Variants in SWT1 observed in about 807,000 individuals in gnomAD.
SWT1 encodes the protein SWT1 RNA endoribonuclease homolog.
Under a neutral mutation model 107.3 loss-of-function variants are expected in SWT1, and 33 were observed. The ratio of observed to expected loss-of-function variants is 0.31; its 90% CI spans 0.23 to 0.41. The LOEUF (loss-of-function observed/expected upper bound fraction) is 0.41. Among genes scored for constraint, SWT1 ranks in the 10% least tolerant of loss-of-function variants. The pLI is 1.00. For missense variants in SWT1, 898 were observed against 1,028.9 expected (o/e 0.87, Z 1.74); for synonymous variants, 345 against 348.3 (o/e 0.99, Z 0.11).
At chr1:185,264,922 G>A (rs1380256676) in intron 16 of SWT1, among the ~76,000 whole-genome samples, 1 of 152,126 alleles carries the variant, frequency 6.6e-6, no homozygotes, top group African/African-American at 2.4e-5. Flanking sequence ...TAACAAACAT[G>A]TAAGACATAT....
intron 16 of SWT1, among the ~76,000 whole-genome samples, chr1:185,234,454 A>G (rs908277878): frequency 6.6e-6 from 1 of 151,056 alleles, no homozygotes; most frequent in African/African-American, 2.4e-5. Context: ...TTTTCTTTCT[A>G]TTTGCTTCGT....
intron 17 of SWT1, 78 bp downstream of exon 17, chr1:185,271,467 C>T (rs993117805): frequency 5.5e-6 from 4 of 733,854 alleles, no homozygotes; most frequent in Non-Finnish European, 9.4e-6. Context: ...AGTAGGAGTT[C>T]TCAAACATAG....
intron 1 of SWT1, among the ~76,000 whole-genome samples, chr1:185,158,517 T>C (rs1395360954): frequency 1.3e-5 from 2 of 152,026 alleles, no homozygotes; most frequent in Admixed American, 1.3e-4. Context: ...TTCTTTTTTT[T>C]TTTTTTACTG....
At chr1:185,226,803 G>C (rs1179381238) in intron 15 of SWT1, 4 of 1,377,372 alleles carry the variant, frequency 2.9e-6, no homozygotes. Context: ...AAATTGTTTG[G>C]TTTAGCTCTC....
intron 2 of SWT1, among the ~76,000 whole-genome samples, chr1:185,163,462 T>G (rs1654326315): frequency 6.6e-6 from 1 of 151,546 alleles, no homozygotes. Context: ...GGTGCGATCT[T>G]GGCCCACTGC....
intron 12 of SWT1, among the ~76,000 whole-genome samples, chr1:185,205,984 T>A (rs1349914574): frequency 6.6e-6 from 1 of 152,078 alleles, no homozygotes; most frequent in African/African-American, 2.4e-5. Context: ...TTCTTCTCTT[T>A]TTTTTTGAGA....
chr1:185,195,747 A>G (rs1025398810), intron 10 of SWT1, among the ~76,000 whole-genome samples: 1 of 152,254 alleles, frequency 6.6e-6, no homozygotes, highest in Non-Finnish European at 1.5e-5. Flanking sequence ...TCTAATGACC[A>G]GTAATGATGA....
intron 14 of SWT1, among the ~76,000 whole-genome samples, chr1:185,216,831 A>T (rs541525250): frequency 6.6e-6 from 1 of 152,230 alleles, no homozygotes; most frequent in Admixed American, 6.5e-5. Flanking sequence ...ACACACCTGT[A>T]GTCCCAGCTA....
In SWT1 at chr1:185,229,953, G is replaced by A. The variant is rs146281550; in HGVS notation, c.2310-1624G>A. On this transcript the variant is annotated intron_variant, in intron 15 of 18. Transcript: ENST00000367500. ...AAGAGGAGAATCCTGGGGAGTAACC[G>A]CTCAATGGATTCAGTTTCCTTTTTG... 8.5e-4 allele frequency among the ~76,000 whole-genome samples: 130 copies of A among 152,180 alleles called. 1 individual carries two copies. The highest frequency in any genetic ancestry group is 3.1e-3 in the African/African-American group (128 of 41,534).
chr1:185,264,425 T>G (rs1340123941), intron 16 of SWT1: 1 of 984,944 alleles, frequency 1.0e-6, no homozygotes, highest in Non-Finnish European at 1.2e-6. Context: ...TGAATGTTCA[T>G]TTGGTTCCTA....
At chr1:185,248,301 C>T (rs1046303179) in intron 16 of SWT1, among the ~76,000 whole-genome samples, 1 of 152,174 alleles carries the variant, frequency 6.6e-6, no homozygotes, top group Non-Finnish European at 1.5e-5. Flanking sequence ...TTAAACTCAA[C>T]TTACTTTCAA....
intron 15 of SWT1, chr1:185,227,537 C>A (rs888286157): frequency 5.7e-6 from 3 of 527,878 alleles, no homozygotes; most frequent in Non-Finnish European, 1.1e-5. Context: ...CTGTTTGTTA[C>A]ATGAACTGTC....
intron 10 of SWT1, among the ~76,000 whole-genome samples, chr1:185,196,261 A>G (rs942994230): frequency 6.6e-6 from 1 of 152,084 alleles, no homozygotes; most frequent in Non-Finnish European, 1.5e-5. Flanking sequence ...TCCTTTCCCC[A>G]TTGCTTGTTT....
intron 15 of SWT1, among the ~76,000 whole-genome samples, chr1:185,228,929 C>CTT (rs1369515797): frequency 2.0e-5 from 3 of 152,062 alleles, no homozygotes; most frequent in African/African-American, 7.2e-5. Context: ...TGAAAGAAGG[C>CTT]CAGTGTGGCT....
intron 18 of SWT1, among the ~76,000 whole-genome samples, chr1:185,286,101 T>C (rs558522685): frequency 6.6e-6 from 1 of 152,250 alleles, no homozygotes; most frequent in Non-Finnish European, 1.5e-5. Flanking sequence ...GGGATTTTGA[T>C]AGAAATTGCA....
chr1:185,260,279 G>C (rs1242821527), intron 16 of SWT1, among the ~76,000 whole-genome samples: 1 of 152,126 alleles, frequency 6.6e-6, no homozygotes, highest in Non-Finnish European at 1.5e-5. Context: ...CAGGATGAGA[G>C]AACCCAAGAC....
At chr1:185,186,633 A>G (rs2102394160) in intron 9 of SWT1, among the ~76,000 whole-genome samples, 1 of 152,344 alleles carries the variant, frequency 6.6e-6, no homozygotes, top group Admixed American at 6.5e-5. Context: ...AAATATGTGA[A>G]GTATAATTCT....
At chr1:185,203,211 T>C (rs1658026069) in intron 11 of SWT1, among the ~76,000 whole-genome samples, 1 of 152,248 alleles carries the variant, frequency 6.6e-6, no homozygotes, top group Non-Finnish European at 1.5e-5. Flanking sequence ...TTTTTTAGTT[T>C]CTTTTTTAAG....
intron 1 of SWT1, among the ~76,000 whole-genome samples, chr1:185,158,969 C>T (rs987278883): frequency 6.6e-6 from 1 of 152,150 alleles, no homozygotes; most frequent in East Asian, 1.9e-4. Flanking sequence ...AGGTAACACA[C>T]TCACATGCCT....
Sources: gnomAD v4.1 joint callset for allele counts (sites outside exome capture counted in the v4.1 genomes callset) on GRCh38, gnomAD v4.1.1 for gene constraint, MANE v1.5 for transcripts, NCBI Gene and HGNC (gene_info 2026-07-23, HGNC 2026-07-21) for gene names.